The following AIF1L variants were observed in gnomAD, a reference collection of about 807,000 sequenced individuals.
The protein encoded by AIF1L is allograft inflammatory factor 1-like.
A neutral mutation model predicts 20.7 loss-of-function variants in AIF1L; 12 were observed. The observed-to-expected ratio is 0.58, with a 90% CI of 0.37 to 0.94. The LOEUF (loss-of-function observed/expected upper bound fraction) is 0.94, where lower values mean the gene tolerates loss of function less well. Among genes scored for constraint, AIF1L ranks in the 40% least tolerant of loss-of-function variants. The pLI, the probability that AIF1L is intolerant of heterozygous loss-of-function variation, is 0.01. For missense variants in AIF1L, 173 were observed against 185.3 expected (o/e 0.93, Z 0.39); for synonymous variants, 76 against 65.1 (o/e 1.17, Z -0.81).
rs768672035 is a variant in AIF1L at position 131,117,780 on chromosome 9, T to C, written c.227T>C (p.Met76Thr). 1 of 1,613,450 alleles carries C rather than the reference T, an allele frequency of 6.2e-7. No individual in the cohort carries two copies. Among genetic ancestry groups the C allele is most frequent in the Non-Finnish European group, 8.5e-7 (1 of 1,179,746 alleles). ...GACCTGATGTCTTTAAAGAGGATGATGGAGAAGCTTGGTGTCCCCAAGACC... is the reference window on the plus strand; with the variant it reads ...GACCTGATGTCTTTAAAGAGGATGACGGAGAAGCTTGGTGTCCCCAAGACC... Reference protein sequence around the residue: ...EIDLMSLKRMMEKLGVPKTHL... With the variant: ...EIDLMSLKRMTEKLGVPKTHL... The change falls in exon 5 of 6, where the codon ATG (methionine) becomes ACG (threonine). Residue 76 changes from methionine (M) to threonine (T), a missense_variant. Physicochemically the swap from Met to Thr is moderately conservative, Grantham distance 81. Transcript: ENST00000247291.
chr9:131,121,305 C>A lies in AIF1L; in HGVS notation c.*983C>A. 2 of 576,138 alleles carry A rather than the reference C, an allele frequency of 3.5e-6. No homozygotes were observed. The highest frequency in any genetic ancestry group is 5.8e-5 in the East Asian group (2 of 34,562). 35.7% of individuals were successfully genotyped at this position (576,138 alleles called of 1,614,324 possible). Reference sequence around the variant, plus strand: ...TTCACTCATTGACTCACTCATTCACCAGATATTTATTGACCTGCTATTATA... The same window carrying A: ...TTCACTCATTGACTCACTCATTCACAAGATATTTATTGACCTGCTATTATA... On this transcript the variant is annotated 3_prime_UTR_variant, in exon 6 of 6. Transcript: ENST00000247291.
At chr9:131,116,069 A>AT (rs1228960786) in intron 4 of AIF1L, among the ~76,000 whole-genome samples, 1 of 152,028 alleles carries the variant, frequency 6.6e-6, no homozygotes, top group Non-Finnish European at 1.5e-5. Flanking sequence ...ACAAAAATGC[A>AT]TCACCCACAA....
rs1831043572 is a variant in AIF1L at position 131,117,640 on chromosome 9, A to C, written c.203-116A>C. On this transcript the variant is annotated intron_variant, in intron 4 of 5. Transcript: ENST00000247291. ...CGTGATGGGCTCCTCCTCCCTAGAG[A>C]AGGAGTGCAGACGCCAAGTTTCTAG... 5.6e-6 allele frequency: 6 copies of C among 1,068,754 alleles called. No homozygotes were observed. The Admixed American group carries it at 1.0e-4, about 18-fold the overall frequency. The allele number at this position is 1,068,754 out of a possible 1,614,324, so 66.2% of individuals were successfully genotyped here.
chr9:131,106,745 A>T (rs1388502052), intron 2 of AIF1L, among the ~76,000 whole-genome samples: 1 of 151,692 alleles, frequency 6.6e-6, no homozygotes, highest in Non-Finnish European at 1.5e-5. Context: ...TGATCGTGCC[A>T]ACAAAGAATA....
rs972743640 is a variant in AIF1L, at chr9:131,107,379, A to G, written c.94-4218A>G. On this transcript the variant is annotated intron_variant, in intron 2 of 5. Transcript: ENST00000247291. ...ACCCATCCACCTACAGAGTGGCCCAAGTAAAACTGGATCTCTAGGGCTGGT... is the reference window on the plus strand; with the variant it reads ...ACCCATCCACCTACAGAGTGGCCCAGGTAAAACTGGATCTCTAGGGCTGGT... 7.9e-5 allele frequency among the ~76,000 whole-genome samples: 12 copies of G among 152,294 alleles called. No individual in the cohort carries two copies. In the South Asian group the frequency reaches 1.0e-3, roughly 13 times the overall value.
chr9:131,111,302 T>TG (rs1193305964), intron 2 of AIF1L: 1 of 341,338 alleles, frequency 2.9e-6, no homozygotes, highest in Non-Finnish European at 5.4e-6. Flanking sequence ...TGGGGTGTCT[T>TG]GGGGGAGGGG....
intron 2 of AIF1L, among the ~76,000 whole-genome samples, chr9:131,110,144 G>A (rs1335869169): frequency 3.3e-5 from 5 of 152,126 alleles, no homozygotes; most frequent in South Asian, 2.1e-4. Flanking sequence ...ATCGGGAGGC[G>A]GAGGTTACAG....
At chr9:131,110,385 C>T (rs1830848063) in intron 2 of AIF1L, among the ~76,000 whole-genome samples, 2 of 152,034 alleles carry the variant, frequency 1.3e-5, no homozygotes, top group African/African-American at 4.8e-5. Flanking sequence ...GAAGGCAGGC[C>T]AGAGATTAAA....
chr9:131,119,583 C>T (rs981669261), intron 5 of AIF1L, among the ~76,000 whole-genome samples: 2 of 151,684 alleles, frequency 1.3e-5, no homozygotes, highest in Non-Finnish European at 2.9e-5. Context: ...TTTTAAAGTA[C>T]GAATGTAAAA....
Position 131,120,290 on chromosome 9 carries a change from C to G in AIF1L, c.421C>G (p.Pro141Ala). 5 of 1,613,878 alleles carry G rather than the reference C, an allele frequency of 3.1e-6. No homozygotes were observed. The highest frequency in any genetic ancestry group is 4.2e-6 in the Non-Finnish European group (5 of 1,179,950). Reference protein sequence around the residue: ...NESSPKPVGPPPERDIASLP With the variant: ...NESSPKPVGPAPERDIASLP The stretch of plus-strand genomic sequence containing the variant: ...GAGCAGCCCCAAGCCAGTTGGCCCC[C>G]CTCCAGAGAGAGACATTGCTAGCCT... The change falls in exon 6 of 6, where the codon CCT becomes GCT. Residue 141 changes from proline (P) to alanine (A), a missense_variant. Coordinates refer to ENST00000247291, the MANE Select transcript of AIF1L (RefSeq NM_031426.4).
intron 2 of AIF1L, among the ~76,000 whole-genome samples, chr9:131,107,356 C>A (rs1393348153): frequency 4.6e-5 from 7 of 152,148 alleles, no homozygotes; most frequent in Non-Finnish European, 2.9e-5. Context: ...CCACTTGCAC[C>A]CATCCACCTA....
chr9:131,111,581 C>G lies in AIF1L; in HGVS notation c.94-16C>G. On this transcript the variant is annotated splice_polypyrimidine_tract_variant and intron_variant, in intron 2 of 5. Transcript: ENST00000247291. ...TCCCCAGTCCCTTGCTCAGCACTGT[C>G]CTCTCACCTCTGTAGGAGTTTCTGT... 2 of 1,612,200 alleles carry G rather than the reference C, an allele frequency of 1.2e-6. No homozygotes were observed. The highest frequency in any genetic ancestry group is 1.7e-6 in the Non-Finnish European group (2 of 1,178,440).
At chr9:131,111,785 C>T in intron 3 of AIF1L, 122 bp downstream of exon 3, 4 of 1,017,896 alleles carry the variant, frequency 3.9e-6, no homozygotes, top group South Asian at 2.9e-5. Flanking sequence ...TCCAGAATGC[C>T]CTTCTTCCTG....
intron 4 of AIF1L, among the ~76,000 whole-genome samples, chr9:131,116,547 A>T (rs1425188756): frequency 1.3e-5 from 2 of 152,234 alleles, no homozygotes. Context: ...TACAGGCATG[A>T]GCCATGGCGC....
At chr9:131,101,241 A>T (rs1485571650) in intron 2 of AIF1L, among the ~76,000 whole-genome samples, 1 of 152,160 alleles carries the variant, frequency 6.6e-6, no homozygotes, top group African/African-American at 2.4e-5. Flanking sequence ...GCTGTGCTCC[A>T]TGCCCACAGA....
intron 4 of AIF1L, among the ~76,000 whole-genome samples, 170 bp downstream of exon 4, chr9:131,114,788 C>A (rs549419506): frequency 4.6e-5 from 7 of 152,228 alleles, no homozygotes; most frequent in Admixed American, 1.3e-4. Flanking sequence ...TGCCCTCAGA[C>A]TCCTCCAGAC....
At chr9:131,111,313 C>T (rs1003389253) in intron 2 of AIF1L, 42 of 359,720 alleles carry the variant, frequency 1.2e-4, no homozygotes, top group Non-Finnish European at 1.7e-4. Flanking sequence ...GGGGGAGGGG[C>T]ACGGGTCCCA....
At chr9:131,097,448 C>G (rs538905857) in intron 2 of AIF1L, among the ~76,000 whole-genome samples, 7 of 152,146 alleles carry the variant, frequency 4.6e-5, no homozygotes, top group Non-Finnish European at 1.0e-4. Flanking sequence ...GCGTAGAGAT[C>G]CTGGCACTTC....
intron 2 of AIF1L, chr9:131,098,359 C>G (rs971253886): frequency 2.0e-5 from 3 of 152,504 alleles, no homozygotes; most frequent in Admixed American, 1.3e-4. Context: ...GCTCAGGGGT[C>G]TCGGATCCCT....
Sources: allele counts gnomAD v4.1 joint callset (sites outside exome capture counted in the v4.1 genomes callset), GRCh38; gene constraint gnomAD v4.1.1; transcripts MANE v1.5; gene names NCBI Gene and HGNC (gene_info 2026-07-23, HGNC 2026-07-21).